SHF: variants seen among roughly 807,000 people sequenced by gnomAD.
The protein encoded by SHF is Src homology 2 domain containing F, also known as SH2 domain-containing adapter protein F.
A neutral mutation model predicts 42.4 loss-of-function variants in SHF; 30 were observed. That is an observed-to-expected ratio of 0.71 (90% CI 0.53 to 0.96). SHF has a LOEUF of 0.96. Ranked by LOEUF, SHF falls within the 40% of genes least tolerant of loss-of-function variation. SHF has a pLI of 0.00. For missense variants in SHF, 598 were observed against 634.0 expected, an observed-to-expected ratio of 0.94 and a Z score of 0.61; for synonymous variants, 264 against 269.9, an observed-to-expected ratio of 0.98 and a Z score of 0.21.
chr15:45,170,341 C>T (rs1341708872), intron 6 of SHF: 2 of 1,275,796 alleles, frequency 1.6e-6, no homozygotes, highest in Non-Finnish European at 2.0e-6. Context: ...AAATGGTATA[C>T]AGGCTGCTTG....
chr15:45,187,463 G>A lies in SHF; in HGVS notation c.489C>T (p.Ser163=). ...CCGGCGCGGCACTCACCCTATCGCTGCTGGCGGGGGGTCCGGAGATCCGCT... is the reference window on the plus strand; with the variant it reads ...CCGGCGCGGCACTCACCCTATCGCTACTGGCGGGGGGTCCGGAGATCCGCT... The part of the protein sequence containing the change: ...ADERISGPPA[S]SDRLAILEDY... The change falls in exon 1 of 7, where the codon AGC becomes AGT. Residue 163 remains serine (S), a synonymous_variant. Coordinates refer to ENST00000690270, the MANE Select transcript of SHF (RefSeq NM_001394037.1). 8.1e-7 allele frequency: 1 copy of A among 1,232,558 alleles called. No individual in the cohort carries two copies. Among genetic ancestry groups the A allele is most frequent in the South Asian group, 4.1e-5 (1 of 24,374 alleles). The allele number at this position is 1,232,558 out of a possible 1,614,324, so 76.4% of individuals were successfully genotyped here. A position where few individuals can be genotyped will look rare whatever the true frequency, so the allele number is the denominator to read the frequency against.
chr15:45,187,538 G>T lies in SHF; in HGVS notation c.414C>A (p.His138Gln). The change falls in exon 1 of 7, where the codon CAC becomes CAA. Residue 138 changes from histidine (H) to glutamine (Q), a missense_variant. Transcript: ENST00000690270. ...CCGGGGTCTCGACCCGAATAAGGCG[G>T]TGTGGGGGAGAGCCGTGGCGCGGGG... is the stretch of plus-strand genomic sequence containing the variant. Reference protein sequence around the residue: ...TPPPRHGSPPHRLIRVETPGP... With the variant: ...TPPPRHGSPPQRLIRVETPGP... 1 of 1,229,740 alleles carries T rather than the reference G, an allele frequency of 8.1e-7. No individual in the cohort carries two copies. Among genetic ancestry groups the T allele is most frequent in the Admixed American group, 4.2e-5 (1 of 23,710 alleles). The allele number at this position is 1,229,740 out of a possible 1,614,324, so 76.2% of individuals were successfully genotyped here.
intron 2 of SHF, among the ~76,000 whole-genome samples, chr15:45,197,911 CG>C (rs1898916997): frequency 6.6e-6 from 1 of 150,916 alleles, no homozygotes; most frequent in Non-Finnish European, 1.5e-5. Context: ...GATTCACATA[CG>C]TATATGCATA....
chr15:45,188,037 C>A (rs1453132702), upstream of SHF: 5 of 164,898 alleles, frequency 3.0e-5, no homozygotes, highest in Non-Finnish European at 6.1e-5. Flanking sequence ...CTCCGCCGGG[C>A]GGGGAGGGGG....
chr15:45,191,291 T>C (rs1898702151), upstream of SHF, among the ~76,000 whole-genome samples: 1 of 152,150 alleles, frequency 6.6e-6, no homozygotes, highest in African/African-American at 2.4e-5. Flanking sequence ...CAAGCAATCC[T>C]CCCACCTCGG....
intron 4 of SHF, among the ~76,000 whole-genome samples, 165 bp from the exon 5 acceptor site, chr15:45,172,483 G>A (rs1030297549): frequency 1.3e-5 from 2 of 152,184 alleles, no homozygotes; most frequent in Non-Finnish European, 2.9e-5. Context: ...CTCTGGGGAC[G>A]TAATCCTGGA....
At chr15:45,192,358 ATTTTTTTTTTTT>A (rs1193075020), upstream of SHF, among the ~76,000 whole-genome samples, 3 of 75,548 alleles carry the variant, frequency 4.0e-5, no homozygotes, top group Admixed American at 1.3e-4. Context: ...CTGATTCCAG[ATTTTTTTTTTTT>A]TTTTTTTTTT....
intron 1 of SHF, among the ~76,000 whole-genome samples, chr15:45,186,274 A>C (rs993192053): frequency 1.3e-5 from 2 of 152,252 alleles, no homozygotes; most frequent in Admixed American, 1.3e-4. Flanking sequence ...TGCATTCCTG[A>C]GGCTTCTGCT....
chr15:45,179,765 G>A (rs1898026956), intron 1 of SHF, among the ~76,000 whole-genome samples: 1 of 152,144 alleles, frequency 6.6e-6, no homozygotes, highest in Non-Finnish European at 1.5e-5. Flanking sequence ...ATGGGGAGAG[G>A]CCACTCTTGC....
upstream of SHF, among the ~76,000 whole-genome samples, chr15:45,189,533 C>T (rs760924075): frequency 1.3e-5 from 2 of 151,694 alleles, no homozygotes. Context: ...GGATTACAAG[C>T]GTGCGCCACC....
At chr15:45,189,056 G>C (rs1418520984), upstream of SHF, among the ~76,000 whole-genome samples, 2 of 151,998 alleles carry the variant, frequency 1.3e-5, no homozygotes, top group African/African-American at 4.8e-5. Context: ...AGTCGGGTGT[G>C]GTGGCGGGCA....
intron 6 of SHF, 109 bp downstream of exon 6, chr15:45,171,774 T>C (rs777749371): frequency 2.5e-6 from 3 of 1,185,304 alleles, no homozygotes; most frequent in Non-Finnish European, 3.6e-6. Context: ...TGCCTGGGGA[T>C]TGTTCATGGG....
rs1260936153 is a variant in SHF at position 45,187,611 on chromosome 15, G to C, written c.341C>G (p.Ser114Cys). The C allele has an allele frequency of 1.6e-6, 2 of 1,230,272 alleles. No homozygotes were observed. The highest frequency in any genetic ancestry group is 6.3e-5 in the East Asian group (2 of 31,594). The allele number at this position is 1,230,272 out of a possible 1,614,324, so 76.2% of individuals were successfully genotyped here. Residue 114 changes from serine (S) to cysteine (C), a missense_variant, in exon 1 of 7, where the codon TCC (serine) becomes TGC (cysteine). Ser to Cys is a moderately radical substitution (Grantham distance 112). This residue lies in a region of SHF where 439 missense variants were observed against 524.6 expected (regional missense o/e 0.84). Coordinates refer to ENST00000690270, the MANE Select transcript of SHF (RefSeq NM_001394037.1). ...AGGGGTGGCGAGGGCGGCGGAGCCG[G>C]ACGACCCCCCGGAGTAGGGGTCTTC... ...DFEDPYSGGS[S>C]GSAALATPVA...
intron 6 of SHF, chr15:45,171,111 C>T (rs1965131642): frequency 2.0e-5 from 3 of 153,550 alleles, no homozygotes; most frequent in Admixed American, 1.9e-4. Context: ...AGGTGTCCTA[C>T]TAGTGATGGT....
At position 45,187,754 on chromosome 15, in the gene SHF, G is replaced by A; in HGVS notation, c.198C>T (p.Gly66=). Residue 66 remains glycine, a synonymous_variant, in exon 1 of 7, where the codon GGC becomes GGT. Transcript: ENST00000690270. ...GFRGGGGGGG[G]SKPAPPEPDY... ...CGGGCTCGGGGGGCGCCGGCTTGCT[G>A]CCCCCTCCGCCGCCGCCCCCCCCGC... The A allele has an allele frequency of 1.0e-6, 1 of 958,710 alleles. No homozygotes were observed. The highest frequency in any genetic ancestry group is 1.3e-6 in the Non-Finnish European group (1 of 746,272). 59.4% of individuals were successfully genotyped at this position (958,710 alleles called of 1,614,324 possible).
chr15:45,175,460 T>A (rs1567032163), intron 2 of SHF, 35 bp from the exon 3 acceptor site: 1 of 1,551,608 alleles, frequency 6.4e-7, no homozygotes, highest in East Asian at 2.4e-5. Flanking sequence ...AAGGTGAGGG[T>A]TCAGCCTTGG....
chr15:45,189,657 G>A (rs925299105), upstream of SHF, among the ~76,000 whole-genome samples: 2 of 152,192 alleles, frequency 1.3e-5, no homozygotes, highest in East Asian at 3.9e-4. Flanking sequence ...CCAAAATGCT[G>A]GGATTACAGG....
chr15:45,169,102 T>C (rs949016078), intron 6 of SHF, among the ~76,000 whole-genome samples: 3 of 152,184 alleles, frequency 2.0e-5, no homozygotes, highest in Admixed American at 6.5e-5. Flanking sequence ...CAGAGCCTAC[T>C]TGGGGACAAG....
chr15:45,198,205 C>T (rs892832452), intron 2 of SHF, among the ~76,000 whole-genome samples: 1 of 151,962 alleles, frequency 6.6e-6, no homozygotes, highest in Non-Finnish European at 1.5e-5. Flanking sequence ...ACCCGGGAGG[C>T]GGAGGCTGCA....
Sources: gnomAD v4.1 joint callset for allele counts (sites outside exome capture counted in the v4.1 genomes callset) on GRCh38, gnomAD v4.1.1 for gene constraint, gnomAD v4.1.1 regional missense constraint, MANE v1.5 for transcripts, NCBI Gene and HGNC (gene_info 2026-07-23, HGNC 2026-07-21) for gene names.